PDK1: variants seen among roughly 807,000 people sequenced by gnomAD.
The protein encoded by PDK1 is [Pyruvate dehydrogenase (acetyl-transferring)] kinase isozyme 1, mitochondrial.
In PDK1, 39 loss-of-function variants were observed where a neutral mutation model predicts 54.2. The ratio of observed to expected loss-of-function variants is 0.72; its 90% CI spans 0.56 to 0.94. The LOEUF is 0.94. PDK1 is among the 40% of genes least tolerant of loss of function. PDK1 has a pLI of 0.00. For synonymous variants in PDK1, 221 were observed against 207.1 expected, an observed-to-expected ratio of 1.07 and a Z score of -0.58; for missense variants, 552 against 566.0, an observed-to-expected ratio of 0.98 and a Z score of 0.25.
the PDK1 span, among the ~76,000 whole-genome samples, chr2:172,624,743 A>G: frequency 1.2e-3 from 189 of 152,280 alleles, 1 homozygote; most frequent in African/African-American, 4.3e-3. Flanking sequence ...TCATGCCCCT[A>G]ATCCCAGCAC....
At chr2:172,586,438 A>AT (rs761554266) in intron 9 of PDK1, 50 bp downstream of exon 9, 1 of 1,115,194 alleles carries the variant, frequency 9.0e-7, no homozygotes, top group African/African-American at 1.5e-5. Flanking sequence ...TGCCTTCCAC[A>AT]TGCTGTAGCT....
intron 3 of PDK1, among the ~76,000 whole-genome samples, chr2:172,563,477 A>C (rs1254514921): frequency 1.3e-5 from 2 of 152,194 alleles, no homozygotes; most frequent in Non-Finnish European, 2.9e-5. Context: ...ATAGGAAAGC[A>C]CTCATTTGGA....
the PDK1 span, among the ~76,000 whole-genome samples, chr2:172,631,340 C>G: frequency 4.6e-5 from 7 of 152,212 alleles, no homozygotes; most frequent in Non-Finnish European, 8.8e-5. Context: ...AAGACACAGT[C>G]CTCTCTTAAA....
intron 7 of PDK1, chr2:172,570,467 TAA>T (rs1689184132): frequency 3.0e-6 from 1 of 331,334 alleles, no homozygotes; most frequent in Non-Finnish European, 5.4e-6. Context: ...TGCTTTAATG[TAA>T]CTAGTTAAAA....
At chr2:172,563,791 G>T (rs898083620) in intron 3 of PDK1, among the ~76,000 whole-genome samples, 38 of 151,432 alleles carry the variant, frequency 2.5e-4, no homozygotes, top group Admixed American at 1.2e-3. Context: ...CCGAGATTGC[G>T]CCATTGCTCT....
the PDK1 span, among the ~76,000 whole-genome samples, chr2:172,617,276 A>G: frequency 6.6e-6 from 1 of 152,194 alleles, no homozygotes; most frequent in Admixed American, 6.5e-5. Flanking sequence ...TTCAAATAAT[A>G]CTTAAGAAAA....
chr2:172,662,492 T>TAGTGTGTGTGTGTGTGTG, the PDK1 span, among the ~76,000 whole-genome samples: 1 of 12,138 alleles, frequency 8.2e-5, no homozygotes, highest in South Asian at 3.8e-3. Flanking sequence ...CTTTTTAAAA[T>TAGTGTGTGTGTGTGTGTG]CGTGTGTGTG....
chr2:172,697,797 T>A, the PDK1 span, among the ~76,000 whole-genome samples: 1 of 152,028 alleles, frequency 6.6e-6, no homozygotes, highest in Non-Finnish European at 1.5e-5. Context: ...CTGGCCCAGA[T>A]CAACAGAAGC....
chr2:172,560,190 G>A (rs556236520), intron 2 of PDK1, among the ~76,000 whole-genome samples: 1 of 152,032 alleles, frequency 6.6e-6, no homozygotes, highest in African/African-American at 2.4e-5. Flanking sequence ...TAGAGACAGG[G>A]TCTCCATCAC....
At chr2:172,675,970 A>C in the PDK1 span, among the ~76,000 whole-genome samples, 1 of 152,060 alleles carries the variant, frequency 6.6e-6, no homozygotes, top group Non-Finnish European at 1.5e-5. Flanking sequence ...GCCCTTAAAA[A>C]TTATGCTAAA....
At chr2:172,709,862 T>C in the PDK1 span, among the ~76,000 whole-genome samples, 254 of 152,348 alleles carry the variant, frequency 1.7e-3, no homozygotes, top group African/African-American at 5.8e-3. Context: ...AATGGTAGTA[T>C]GGTCTTCTTA....
chr2:172,640,937 C>T, the PDK1 span, among the ~76,000 whole-genome samples: 1 of 143,334 alleles, frequency 7.0e-6, no homozygotes, highest in Admixed American at 6.9e-5. Context: ...TTCCTTCCTT[C>T]CCTCCCTTCT....
chr2:172,563,189 T>A (rs528897774), intron 3 of PDK1, among the ~76,000 whole-genome samples: 32 of 152,188 alleles, frequency 2.1e-4, no homozygotes, highest in Non-Finnish European at 4.1e-4. Flanking sequence ...AAAGTAAACA[T>A]TATGTTATAG....
chr2:172,689,042 G>C, the PDK1 span, among the ~76,000 whole-genome samples: 1 of 152,188 alleles, frequency 6.6e-6, no homozygotes, highest in African/African-American at 2.4e-5. Flanking sequence ...AGCATGGAAA[G>C]GGACCCGAGT....
chr2:172,583,136 A>G (rs1443854102), intron 8 of PDK1, among the ~76,000 whole-genome samples: 1 of 152,180 alleles, frequency 6.6e-6, no homozygotes, highest in Non-Finnish European at 1.5e-5. Flanking sequence ...GCAAATGTGC[A>G]GCAGAGCATT....
chr2:172,643,559 C>T, the PDK1 span, among the ~76,000 whole-genome samples: 2 of 152,198 alleles, frequency 1.3e-5, no homozygotes, highest in Non-Finnish European at 2.9e-5. Context: ...AGGCCTCCTC[C>T]TTAGGTCTAT....
the PDK1 span, among the ~76,000 whole-genome samples, chr2:172,621,713 CATGTTAT>C: frequency 2.3e-5 from 3 of 132,682 alleles, no homozygotes; most frequent in East Asian, 8.8e-4. Context: ...ATATATCAAA[CATGTTAT>C]ATGTTTATAT....
chr2:172,612,473 TG>T (rs773702843), downstream of PDK1, among the ~76,000 whole-genome samples: 51 of 152,260 alleles, frequency 3.3e-4, no homozygotes, highest in Middle Eastern at 6.8e-3. Flanking sequence ...TTAGAAGGTT[TG>T]TTTTTTTTTT....
At chr2:172,587,117 C>T (rs1056655758) in intron 9 of PDK1, among the ~76,000 whole-genome samples, 1 of 152,168 alleles carries the variant, frequency 6.6e-6, no homozygotes, top group Non-Finnish European at 1.5e-5. Flanking sequence ...TAGGAAGTTA[C>T]TAGGACTTTA....
Sources: gnomAD v4.1 joint callset for allele counts (sites outside exome capture counted in the v4.1 genomes callset) on GRCh38, gnomAD v4.1.1 for gene constraint, MANE v1.5 for transcripts, NCBI Gene and HGNC (gene_info 2026-07-23, HGNC 2026-07-21) for gene names.